PRICKLE2: variants seen among roughly 807,000 people sequenced by gnomAD.
PRICKLE2 encodes the protein prickle-like protein 2.
A neutral mutation model predicts 81.4 loss-of-function variants in PRICKLE2; 21 were observed. The ratio of observed to expected loss-of-function variants is 0.26; its 90% confidence interval spans 0.18 to 0.37. The LOEUF (loss-of-function observed/expected upper bound fraction) is 0.37. Ranked by LOEUF, PRICKLE2 falls within the 10% of genes least tolerant of loss-of-function variation. The pLI is 1.00. For synonymous variants in PRICKLE2, 456 were observed against 421.5 expected, an observed-to-expected ratio of 1.08 and a Z score of -1.00; for missense variants, 940 against 1,109.0, an observed-to-expected ratio of 0.85 and a Z score of 2.16.
At chr3:64,210,306 C>A (rs572629169) in intron 1 of PRICKLE2, among the ~76,000 whole-genome samples, 10 of 152,108 alleles carry the variant, frequency 6.6e-5, no homozygotes, top group Non-Finnish European at 1.3e-4. Flanking sequence ...TGTTTTTCCC[C>A]TTTTTTGGCA....
chr3:64,111,975 A>G (rs569394525), intron 7 of PRICKLE2, among the ~76,000 whole-genome samples: 59 of 152,318 alleles, frequency 3.9e-4, no homozygotes, highest in African/African-American at 1.3e-3. Context: ...TAAAAGGTAA[A>G]CATGCAGAAC....
chr3:64,169,888 TG>T (rs2077900740), intron 2 of PRICKLE2, among the ~76,000 whole-genome samples: 1 of 152,310 alleles, frequency 6.6e-6, no homozygotes, highest in African/African-American at 2.4e-5. Flanking sequence ...GGAAAGATGC[TG>T]CCTGAATTTG....
intron 2 of PRICKLE2, among the ~76,000 whole-genome samples, chr3:64,164,517 G>A (rs966296026): frequency 1.3e-5 from 2 of 152,208 alleles, no homozygotes; most frequent in Non-Finnish European, 2.9e-5. Flanking sequence ...AGTCATAAAT[G>A]TTAGAAGAGG....
At chr3:64,257,056 A>C (rs560055654) in intron 2 of PRICKLE2, among the ~76,000 whole-genome samples, 4 of 152,240 alleles carry the variant, frequency 2.6e-5, no homozygotes, top group Non-Finnish European at 5.9e-5. Flanking sequence ...AACCCTGGGC[A>C]AAGTCACATA....
At chr3:64,145,928 A>G (rs1363179341) in intron 7 of PRICKLE2, 1 of 151,986 alleles carries the variant, frequency 6.6e-6, no homozygotes, top group Admixed American at 6.6e-5. Flanking sequence ...TCACCTCCCA[A>G]AAGGCCCCTT....
At chr3:64,209,930 T>A (rs190890958) in intron 1 of PRICKLE2, among the ~76,000 whole-genome samples, 4 of 152,192 alleles carry the variant, frequency 2.6e-5, no homozygotes, top group Admixed American at 2.0e-4. Context: ...GAGGCAGATA[T>A]GAGAAAAATC....
intron 7 of PRICKLE2, among the ~76,000 whole-genome samples, chr3:64,108,923 T>C (rs2076799536): frequency 6.6e-6 from 1 of 152,090 alleles, no homozygotes; most frequent in South Asian, 2.1e-4. Context: ...CTCTACCCAC[T>C]AGATGCCAGT....
intron 1 of PRICKLE2, among the ~76,000 whole-genome samples, chr3:64,221,634 A>C (rs769747893): frequency 5.3e-5 from 8 of 152,190 alleles, no homozygotes; most frequent in Non-Finnish European, 1.0e-4. Context: ...TTCCCTGTTT[A>C]TAAGCACCAC....
In PRICKLE2 at chr3:64,093,406, A is replaced by G. The variant is rs375093798; in HGVS notation, c.*5645T>C. Reference sequence around the variant, plus strand: ...AGCCCAGAAGTAGCATATGGTAGTAATTCTATTTTTAATTTTTTTTGAGGA... The same window carrying G: ...AGCCCAGAAGTAGCATATGGTAGTAGTTCTATTTTTAATTTTTTTTGAGGA... On this transcript the variant is annotated 3_prime_UTR_variant, in exon 8 of 8. Transcript: ENST00000638394. The G allele has an allele frequency of 1.4e-4, 21 of 152,314 alleles. No homozygotes were observed. The highest frequency in any genetic ancestry group is 5.1e-4 in the African/African-American group (21 of 41,554). The allele number at this position is 152,314 out of a possible 1,614,324, so 9.4% of individuals were successfully genotyped here. A position where few individuals can be genotyped will look rare whatever the true frequency, so the allele number is the denominator to read the frequency against.
chr3:64,135,609 A>T (rs1306938650), intron 7 of PRICKLE2, among the ~76,000 whole-genome samples: 3 of 152,050 alleles, frequency 2.0e-5, no homozygotes, highest in Non-Finnish European at 4.4e-5. Context: ...GCTGCCTCCC[A>T]GAGATGTGTG....
At chr3:64,174,302 A>C (rs2077982228) in intron 2 of PRICKLE2, 1 of 152,184 alleles carries the variant, frequency 6.6e-6, no homozygotes, top group African/African-American at 2.4e-5. Flanking sequence ...TCTGGGCTTC[A>C]TTGTCCTTAT....
chr3:64,262,513 C>CTAGTCAAGAGTCCAGTGTAACA (rs2079630665), intron 2 of PRICKLE2, among the ~76,000 whole-genome samples: 1 of 151,864 alleles, frequency 6.6e-6, no homozygotes, highest in Admixed American at 6.6e-5. Context: ...TGTGACTCCA[C>CTAGTCAAGAGTCCAGTGTAACA]TAGTCAAGAG....
intron 2 of PRICKLE2, among the ~76,000 whole-genome samples, chr3:64,165,791 G>T (rs1028541829): frequency 6.6e-6 from 1 of 152,140 alleles, no homozygotes; most frequent in Non-Finnish European, 1.5e-5. Context: ...TTACGGGTGT[G>T]AGCCACCCCA....
chr3:64,262,636 T>A (rs1182451431), intron 2 of PRICKLE2, among the ~76,000 whole-genome samples: 1 of 149,526 alleles, frequency 6.7e-6, no homozygotes, highest in East Asian at 2.0e-4. Context: ...AAAAAAAAAA[T>A]TAGAAGAGGA....
chr3:64,210,815 T>C (rs1370974718), intron 1 of PRICKLE2, among the ~76,000 whole-genome samples: 2 of 152,166 alleles, frequency 1.3e-5, no homozygotes, highest in Non-Finnish European at 1.5e-5. Context: ...TTTGCAGAAA[T>C]GATGCCTCAG....
chr3:64,105,753 T>C (rs772216629), intron 7 of PRICKLE2: 15 of 152,220 alleles, frequency 9.9e-5, no homozygotes, highest in Non-Finnish European at 2.1e-4. Context: ...AACTGTACTG[T>C]CACAGGTCAC....
At chr3:64,114,873 G>C (rs1242650656) in intron 7 of PRICKLE2, among the ~76,000 whole-genome samples, 1 of 151,924 alleles carries the variant, frequency 6.6e-6, no homozygotes, top group African/African-American at 2.4e-5. Flanking sequence ...TTCAAAAGAA[G>C]ATTATCCCCA....
chr3:64,182,293 C>T (rs938532378), intron 2 of PRICKLE2, among the ~76,000 whole-genome samples: 4 of 151,938 alleles, frequency 2.6e-5, no homozygotes, highest in Non-Finnish European at 2.9e-5. Context: ...TAGAGACCAG[C>T]CTGGGCAACA....
intron 1 of PRICKLE2, among the ~76,000 whole-genome samples, chr3:64,215,744 T>C (rs1268188510): frequency 1.3e-5 from 2 of 152,220 alleles, no homozygotes; most frequent in Non-Finnish European, 2.9e-5. Flanking sequence ...AATGAAAGTA[T>C]GCAAAAGCTT....
Sources: allele counts gnomAD v4.1 joint callset (sites outside exome capture counted in the v4.1 genomes callset), GRCh38; gene constraint gnomAD v4.1.1; transcripts MANE v1.5; gene names NCBI Gene and HGNC (gene_info 2026-07-23, HGNC 2026-07-21).